EYS: variants seen among roughly 807,000 people sequenced by gnomAD.
The protein encoded by EYS is EGF-like photoreceptor maintenance factor.
EYS carries 250 observed loss-of-function variants against 282.1 expected under a neutral mutation model. That is an observed-to-expected ratio of 0.89 (90% confidence interval 0.80 to 0.98). EYS has a LOEUF of 0.98. EYS is among the 50% of genes least tolerant of loss of function. The pLI, the probability that EYS is intolerant of heterozygous loss-of-function variation, is 0.00. For synonymous variants in EYS, 1,355 were observed against 1,282.9 expected (o/e 1.06, Z -1.20); for missense variants, 4,016 against 3,709.0 (o/e 1.08, Z -2.15).
chr6:64,090,858 TA>T (rs1335557707), intron 31 of EYS, among the ~76,000 whole-genome samples: 2 of 152,214 alleles, frequency 1.3e-5, no homozygotes, highest in African/African-American at 4.8e-5. Flanking sequence ...CTGCCTGTAC[TA>T]TTTGAATACC....
rs1582207212 is a variant in EYS, at chr6:63,787,734, G to T, written c.7723+371C>A. Among the ~76,000 whole-genome samples the T allele has an allele frequency of 1.3e-5, 2 of 152,142 alleles. 1 individual carries two copies. The highest frequency in any genetic ancestry group is 3.9e-4 in the East Asian group (2 of 5,180). On this transcript the variant is annotated intron_variant, in intron 39 of 42. Coordinates refer to ENST00000503581, the MANE Select transcript of EYS (RefSeq NM_001142800.2). The stretch of plus-strand genomic sequence containing the variant: ...AGGCAGGCGGATCACCTGAGGTCGG[G>T]AGTTCGAGACCAGCCTGACCAACAT...
At chr6:65,507,396 AT>A (rs1388103588) in intron 2 of EYS, among the ~76,000 whole-genome samples, 1 of 151,814 alleles carries the variant, frequency 6.6e-6, no homozygotes, top group Non-Finnish European at 1.5e-5. Flanking sequence ...GCCTAGAGAA[AT>A]TTTTTTGTTT....
intron 33 of EYS, among the ~76,000 whole-genome samples, chr6:64,033,992 A>G (rs1179647182): frequency 6.6e-6 from 1 of 152,174 alleles, no homozygotes; most frequent in Non-Finnish European, 1.5e-5. Flanking sequence ...ATTTGTCAGG[A>G]GCACTGATTT....
chr6:65,362,602 T>C (rs781516985), intron 8 of EYS, among the ~76,000 whole-genome samples: 7 of 151,752 alleles, frequency 4.6e-5, no homozygotes, highest in Non-Finnish European at 8.8e-5. Context: ...TATACATTTA[T>C]ATATATGCCT....
intron 19 of EYS, among the ~76,000 whole-genome samples, chr6:64,853,915 C>G (rs1765965630): frequency 6.6e-6 from 1 of 151,932 alleles, no homozygotes; most frequent in African/African-American, 2.4e-5. Context: ...AAAAAACAAA[C>G]AACCCCATCA....
At chr6:64,206,976 C>T (rs1056868276) in intron 31 of EYS, among the ~76,000 whole-genome samples, 10 of 152,116 alleles carry the variant, frequency 6.6e-5, no homozygotes, top group African/African-American at 2.2e-4. Flanking sequence ...CTTCCTCCCA[C>T]CTTCCACCCC....
intron 8 of EYS, among the ~76,000 whole-genome samples, chr6:65,373,226 G>A (rs556271528): frequency 3.3e-5 from 5 of 152,148 alleles, no homozygotes; most frequent in South Asian, 4.1e-4. Context: ...TCCTTGCTTC[G>A]GTGTCCCTGT....
At chr6:64,114,604 G>A (rs1773314621) in intron 31 of EYS, among the ~76,000 whole-genome samples, 1 of 152,194 alleles carries the variant, frequency 6.6e-6, no homozygotes. Flanking sequence ...AGGGAAAGGG[G>A]CTATCACTGT....
chr6:64,103,444 G>T (rs1772901431), intron 31 of EYS, among the ~76,000 whole-genome samples: 1 of 152,096 alleles, frequency 6.6e-6, no homozygotes, highest in Admixed American at 6.6e-5. Context: ...ACTACTTCAG[G>T]CAGCATATAA....
chr6:65,566,242 T>C (rs1769275980), intron 2 of EYS, among the ~76,000 whole-genome samples: 1 of 151,910 alleles, frequency 6.6e-6, no homozygotes, highest in Non-Finnish European at 1.5e-5. Context: ...TGCACTAGAC[T>C]GGTAAGGGAA....
At chr6:63,903,297 A>G (rs1223352399) in intron 35 of EYS, among the ~76,000 whole-genome samples, 1 of 152,208 alleles carries the variant, frequency 6.6e-6, no homozygotes, top group African/African-American at 2.4e-5. Flanking sequence ...AAGGTCATCA[A>G]GCTGGAGATT....
chr6:65,462,257 G>T (rs1764850468), intron 5 of EYS, among the ~76,000 whole-genome samples: 1 of 152,096 alleles, frequency 6.6e-6, no homozygotes, highest in African/African-American at 2.4e-5. Context: ...TTCTTGAAAA[G>T]TCAAACTATA....
At chr6:64,417,727 G>C (rs960185198) in intron 28 of EYS, among the ~76,000 whole-genome samples, 5 of 140,794 alleles carry the variant, frequency 3.6e-5, no homozygotes, top group African/African-American at 1.1e-4. Context: ...CTGGAGCGCA[G>C]TGGCACAATC....
chr6:64,055,877 T>C (rs1770966962), intron 33 of EYS, among the ~76,000 whole-genome samples: 1 of 152,074 alleles, frequency 6.6e-6, no homozygotes, highest in Admixed American at 6.6e-5. Flanking sequence ...TCTAAAAACA[T>C]TGCTTACGTG....
intron 12 of EYS, among the ~76,000 whole-genome samples, chr6:65,159,044 G>A (rs1320905147): frequency 6.6e-6 from 1 of 150,680 alleles, no homozygotes; most frequent in East Asian, 2.0e-4. Context: ...CAATATTCCT[G>A]GAAAAATTCT....
intron 22 of EYS, among the ~76,000 whole-genome samples, chr6:64,628,726 A>G (rs1344218287): frequency 2.6e-5 from 4 of 152,232 alleles, no homozygotes; most frequent in Admixed American, 2.6e-4. Flanking sequence ...TATGAACAAT[A>G]TTAACATTTA....
chr6:63,739,030 ATCC>A (rs1345287105), intron 41 of EYS, among the ~76,000 whole-genome samples: 1 of 151,346 alleles, frequency 6.6e-6, no homozygotes, highest in East Asian at 1.9e-4. Flanking sequence ...CCTTTTTCTC[ATCC>A]TCCTTCATTT....
At chr6:64,792,210 C>T (rs1400419135) in intron 22 of EYS, among the ~76,000 whole-genome samples, 1 of 151,718 alleles carries the variant, frequency 6.6e-6, no homozygotes, top group Non-Finnish European at 1.5e-5. Flanking sequence ...TTAACCTTGC[C>T]CAAATTATTT....
At chr6:64,439,069 TAA>T in intron 27 of EYS, 91 bp downstream of exon 27, 1 of 675,750 alleles carries the variant, frequency 1.5e-6, no homozygotes, top group South Asian at 2.7e-5. Context: ...TATATAGAGT[TAA>T]GTTTAAATTT....
Sources: gnomAD v4.1 joint callset for allele counts (sites outside exome capture counted in the v4.1 genomes callset) on GRCh38, gnomAD v4.1.1 for gene constraint, MANE v1.5 for transcripts, NCBI Gene and HGNC (gene_info 2026-07-23, HGNC 2026-07-21) for gene names.